ACSL4: variants seen among roughly 807,000 people sequenced by gnomAD.
ACSL4 encodes acyl-CoA synthetase long chain family member 4.
In ACSL4, 9 loss-of-function variants were observed where a neutral mutation model predicts 49.1. The ratio of observed to expected loss-of-function variants is 0.18; its 90% CI spans 0.11 to 0.32. The LOEUF (loss-of-function observed/expected upper bound fraction) is 0.32. Ranked by LOEUF, ACSL4 falls within the 10% of genes least tolerant of loss-of-function variation. The pLI is 1.00. For synonymous variants in ACSL4, 191 were observed against 170.3 expected, an observed-to-expected ratio of 1.12 and a Z score of -0.95; for missense variants, 333 against 493.7, an observed-to-expected ratio of 0.67 and a Z score of 3.08.
intron 15 of ACSL4, among the ~76,000 whole-genome samples, chrX:109,652,865 A>T (rs904244567): frequency 9.0e-6 from 1 of 111,657 alleles, no homozygotes; most frequent in Non-Finnish European, 1.9e-5. Flanking sequence ...TAGGTATAAA[A>T]TAAATAAGCT....
chrX:109,665,025 G>A (rs767853893), intron 12 of ACSL4, among the ~76,000 whole-genome samples: 13 of 111,105 alleles, frequency 1.2e-4, no homozygotes, highest in Non-Finnish European at 7.6e-5. Context: ...ATCTTTTCTG[G>A]GATCAAGATC....
At position 109,677,788 on chromosome X, in the gene ACSL4, T is replaced by A. The variant is rs190618298; in HGVS notation, c.930+200A>T. On this transcript the variant is annotated intron_variant, in intron 8 of 15. Coordinates refer to ENST00000672401, the MANE Select transcript of ACSL4 (RefSeq NM_001318510.2). The stretch of plus-strand genomic sequence containing the variant: ...AGAGCAAAAGAAAAGAAAAAAAAAA[T>A]AATTTTAAAATATATAGCTAAAGCA... Among the ~76,000 whole-genome samples, 30 of 110,886 alleles carry A rather than the reference T, an allele frequency of 2.7e-4. No homozygotes were observed. In the East Asian group the frequency reaches 7.9e-3, roughly 29 times the overall value.
rs370890935 is a variant in ACSL4 at position 109,681,014 on chromosome X, T to G, written c.639A>C (p.Gly213=). ...TTTACTTACAGTTTTCTGGGTTAGATCCCAACTCTTCTACTGATTGCATGC... is the reference window on the plus strand; with the variant it reads ...TTTACTTACAGTTTTCTGGGTTAGAGCCCAACTCTTCTACTGATTGCATGC... ...IHSMQSVEEL[G]SNPENLGIPP... Residue 213 remains glycine, a synonymous_variant, in exon 6 of 16, where the codon GGA becomes GGC. Coordinates refer to ENST00000672401, the MANE Select transcript of ACSL4 (RefSeq NM_001318510.2). 4.9e-5 allele frequency: 59 copies of G among 1,209,441 alleles called. No homozygotes were observed. The highest frequency in any genetic ancestry group is 8.7e-5 in the Admixed American group (4 of 45,732).
chrX:109,647,684 T>C (rs1393346102), intron 15 of ACSL4, among the ~76,000 whole-genome samples: 2 of 109,820 alleles, frequency 1.8e-5, no homozygotes, highest in South Asian at 3.8e-4. Flanking sequence ...AGAGCAAAAC[T>C]GAAGGAAATA....
intron 2 of ACSL4, among the ~76,000 whole-genome samples, chrX:109,684,081 TTAAA>T (rs1247296078): frequency 1.8e-5 from 2 of 111,073 alleles, no homozygotes; most frequent in Admixed American, 1.9e-4. Flanking sequence ...CTAGACATCT[TTAAA>T]TAGTGTTAGG....
chrX:109,714,920 G>T (rs1292061390), intron 1 of ACSL4, among the ~76,000 whole-genome samples: 1 of 111,970 alleles, frequency 8.9e-6, no homozygotes, highest in Non-Finnish European at 1.9e-5. Flanking sequence ...CATGGCAAGA[G>T]GTTCACAAAA....
chrX:109,689,958 A>G (rs977306223), intron 2 of ACSL4, among the ~76,000 whole-genome samples: 17 of 112,080 alleles, frequency 1.5e-4, no homozygotes, highest in Non-Finnish European at 5.6e-5. Flanking sequence ...TTCTGAATCT[A>G]TAAGGTAAAA....
At chrX:109,729,886 T>C (rs1928294230) in intron 1 of ACSL4, among the ~76,000 whole-genome samples, 2 of 112,422 alleles carry the variant, frequency 1.8e-5, no homozygotes, top group Non-Finnish European at 3.8e-5. Flanking sequence ...GATTCATTTA[T>C]ATAAGCATTT....
chrX:109,688,701 T>G (rs1924800943), intron 2 of ACSL4, among the ~76,000 whole-genome samples: 1 of 111,735 alleles, frequency 8.9e-6, no homozygotes, highest in Non-Finnish European at 1.9e-5. Context: ...CTCTTCTTCC[T>G]TGACCCACTG....
intron 9 of ACSL4, among the ~76,000 whole-genome samples, chrX:109,671,310 C>G (rs1268851046): frequency 9.1e-6 from 1 of 109,716 alleles, no homozygotes; most frequent in African/African-American, 3.3e-5. Flanking sequence ...GTCTCTGCCC[C>G]GCCGCCGCCC....
At chrX:109,644,310 C>G in intron 15 of ACSL4, 124 bp from the exon 16 acceptor site, 1 of 627,994 alleles carries the variant, frequency 1.6e-6, no homozygotes, top group South Asian at 3.1e-5. Context: ...CAGGATTTAC[C>G]TAGATGATTC....
intron 15 of ACSL4, among the ~76,000 whole-genome samples, chrX:109,648,460 G>C (rs1195006981): frequency 9.0e-5 from 10 of 111,245 alleles, no homozygotes; most frequent in African/African-American, 3.3e-4. Flanking sequence ...AAAGGCCTTT[G>C]ACAAAATTCA....
intron 6 of ACSL4, among the ~76,000 whole-genome samples, chrX:109,678,767 C>T (rs1923936720): frequency 8.9e-6 from 1 of 112,523 alleles, no homozygotes; most frequent in Non-Finnish European, 1.9e-5. Context: ...CAGGTTGAGG[C>T]TATGGTGAGC....
At chrX:109,675,074 T>C (rs1024823825) in intron 8 of ACSL4, among the ~76,000 whole-genome samples, 20 of 112,504 alleles carry the variant, frequency 1.8e-4, no homozygotes, top group African/African-American at 6.5e-4. Flanking sequence ...TTAATATGGA[T>C]AAAGGAGATA....
intron 2 of ACSL4, among the ~76,000 whole-genome samples, chrX:109,694,595 T>C (rs891768971): frequency 4.5e-5 from 5 of 112,202 alleles, no homozygotes; most frequent in African/African-American, 1.3e-4. Context: ...CCATTTACTA[T>C]CACCATAATT....
chrX:109,726,158 G>A (rs769986622), intron 1 of ACSL4, among the ~76,000 whole-genome samples: 4 of 112,355 alleles, frequency 3.6e-5, no homozygotes, highest in East Asian at 2.8e-4. Context: ...GGTGGCTCAC[G>A]CCTGTAATCC....
chrX:109,727,604 T>A (rs1417135596), intron 1 of ACSL4, among the ~76,000 whole-genome samples: 1 of 108,372 alleles, frequency 9.2e-6, no homozygotes, highest in Non-Finnish European at 1.9e-5. Flanking sequence ...TGAATCACAA[T>A]ATCACCTGGA....
At chrX:109,690,759 G>GC (rs1491402311) in intron 2 of ACSL4, among the ~76,000 whole-genome samples, 1 of 80,464 alleles carries the variant, frequency 1.2e-5, no homozygotes, top group African/African-American at 4.6e-5. Context: ...AGACATTTTA[G>GC]GGGGGGGGGG....
At chrX:109,692,485 G>A (rs1925113563) in intron 2 of ACSL4, among the ~76,000 whole-genome samples, 2 of 112,079 alleles carry the variant, frequency 1.8e-5, no homozygotes, top group East Asian at 5.5e-4. Context: ...GGCACCTACT[G>A]GCTAAGCATG....
Sources: gnomAD v4.1 joint callset for allele counts (sites outside exome capture counted in the v4.1 genomes callset) on GRCh38, gnomAD v4.1.1 for gene constraint, MANE v1.5 for transcripts, NCBI Gene and HGNC (gene_info 2026-07-23, HGNC 2026-07-21) for gene names.